The following PGM2 variants were observed in gnomAD, a reference collection of about 807,000 sequenced individuals.
PGM2 encodes the protein phosphopentomutase.
A neutral mutation model predicts 74.6 loss-of-function variants in PGM2; 57 were observed. That is an observed-to-expected ratio of 0.76 (90% confidence interval 0.62 to 0.95). PGM2 has a LOEUF of 0.95. Ranked by LOEUF, PGM2 falls within the 40% of genes least tolerant of loss-of-function variation. The pLI is 0.00. For missense variants in PGM2, 706 were observed against 741.9 expected (o/e 0.95, Z 0.56); for synonymous variants, 273 against 260.7 (o/e 1.05, Z -0.46).
rs1431346983 is a variant in PGM2, at chr4:37,839,953, A to T, written c.525+22A>T. ...TAAGGTATTTTCCTTTTTCTACTCC[A>T]CACGTACATCCTTCTGTAGGAATCC... On this transcript the variant is annotated intron_variant, in intron 5 of 13. Coordinates refer to ENST00000381967, the MANE Select transcript of PGM2 (RefSeq NM_018290.4). The T allele has an allele frequency of 6.0e-6, 9 of 1,507,170 alleles. No homozygotes were observed. In the Admixed American group the frequency reaches 1.0e-4, roughly 17 times the overall value. 93.4% of individuals were successfully genotyped at this position (1,507,170 alleles called of 1,614,324 possible).
intron 13 of PGM2, among the ~76,000 whole-genome samples, chr4:37,859,553 C>T (rs1711694760): frequency 6.6e-6 from 1 of 152,158 alleles, no homozygotes; most frequent in African/African-American, 2.4e-5. Context: ...AGCCCATCCA[C>T]ATTGTCTAGG....
At chr4:37,850,438 A>C (rs571105688) in intron 12 of PGM2, 65 bp downstream of exon 12, 2 of 969,106 alleles carry the variant, frequency 2.1e-6, no homozygotes, top group South Asian at 4.4e-5. Flanking sequence ...AATTTGAATA[A>C]ATTATTTAAC....
At chr4:37,861,448 G>C in intron 13 of PGM2, 62 bp from the exon 14 acceptor site, 2 of 1,029,522 alleles carry the variant, frequency 1.9e-6, no homozygotes, top group East Asian at 2.4e-5. Flanking sequence ...AATGGGGGGA[G>C]CATTTAAACT....
At chr4:37,858,198 CTTTTA>C (rs1484575941) in intron 13 of PGM2, among the ~76,000 whole-genome samples, 1 of 152,014 alleles carries the variant, frequency 6.6e-6, no homozygotes, top group Non-Finnish European at 1.5e-5. Context: ...AAAATTTGTC[CTTTTA>C]TTATATGCAT....
intron 6 of PGM2, among the ~76,000 whole-genome samples, chr4:37,844,019 A>T (rs1725799587): frequency 6.6e-6 from 1 of 152,078 alleles, no homozygotes; most frequent in Non-Finnish European, 1.5e-5. Flanking sequence ...GAGCCCTGGA[A>T]CTGTCCCGGG....
chr4:37,839,825 T>C lies in PGM2; in HGVS notation c.442-23T>C, dbSNP rs762103307. 115 of 1,409,098 alleles carry C rather than the reference T, an allele frequency of 8.2e-5. 1 individual carries two copies. The highest frequency in any genetic ancestry group is 8.0e-5 in the Non-Finnish European group (80 of 995,596). 87.3% of individuals were successfully genotyped at this position (1,409,098 alleles called of 1,614,324 possible). A position where few individuals can be genotyped will look rare whatever the true frequency, so the allele number is the denominator to read the frequency against. ...GTTATTTTCGTTAAAAACTGTTTGT[T>C]CTTGTTTCCTGCTATGTTACAGCCC... On this transcript the variant is annotated intron_variant, in intron 4 of 13. Transcript: ENST00000381967.
intron 1 of PGM2, among the ~76,000 whole-genome samples, chr4:37,827,207 C>T (rs1685918932): frequency 1.3e-5 from 2 of 152,330 alleles, no homozygotes; most frequent in South Asian, 4.1e-4. Context: ...GACCCAGAAT[C>T]GCTCCGTCCC....
chr4:37,847,264 A>G lies in PGM2; in HGVS notation c.1251A>G (p.Lys417=). 3 of 1,613,596 alleles carry G rather than the reference A, an allele frequency of 1.9e-6. No individual in the cohort carries two copies. The highest frequency in any genetic ancestry group is 2.5e-6 in the Non-Finnish European group (3 of 1,179,496). ...CCAAACAGCTAATAGACCAGGGGAA[A>G]ACTGTTTTATTTGCATTTGAAGAAG... ...NRAKQLIDQG[K]TVLFAFEEAI... The change falls in exon 10 of 14, where the codon AAA becomes AAG. Residue 417 remains lysine (K), a synonymous_variant. Coordinates refer to ENST00000381967, the MANE Select transcript of PGM2 (RefSeq NM_018290.4).
intron 2 of PGM2, among the ~76,000 whole-genome samples, chr4:37,833,515 C>A (rs367791132): frequency 6.6e-6 from 1 of 152,136 alleles, no homozygotes; most frequent in Non-Finnish European, 1.5e-5. Context: ...GAACCATGAT[C>A]GTGTCACTGC....
chr4:37,837,707 T>C, intron 4 of PGM2, 94 bp downstream of exon 4: 1 of 805,830 alleles, frequency 1.2e-6, no homozygotes, highest in Non-Finnish European at 2.2e-6. Context: ...GGGATTGGAC[T>C]GTTTGAATGA....
At chr4:37,842,198 A>G (rs1725748624) in intron 6 of PGM2, among the ~76,000 whole-genome samples, 1 of 146,202 alleles carries the variant, frequency 6.8e-6, no homozygotes. Flanking sequence ...ATATGCATAT[A>G]CTATATATAT....
At chr4:37,848,059 A>G (rs1284225922) in intron 10 of PGM2, among the ~76,000 whole-genome samples, 3 of 152,178 alleles carry the variant, frequency 2.0e-5, no homozygotes, top group African/African-American at 7.2e-5. Flanking sequence ...ATCAAGTATT[A>G]ATTGCATGTC....
At chr4:37,857,979 C>G (rs1257997929) in intron 13 of PGM2, among the ~76,000 whole-genome samples, 4 of 152,136 alleles carry the variant, frequency 2.6e-5, no homozygotes, top group Non-Finnish European at 5.9e-5. Flanking sequence ...TCCAACTAAA[C>G]AGTCCAACTT....
intron 2 of PGM2, 147 bp downstream of exon 2, chr4:37,830,278 G>C: frequency 1.8e-6 from 1 of 541,674 alleles, no homozygotes; most frequent in African/African-American, 1.9e-5. Context: ...ATAAAGTAAG[G>C]CTTGCACAAT....
chr4:37,840,980 A>ATG (rs1180548132), intron 6 of PGM2, among the ~76,000 whole-genome samples: 8 of 142,944 alleles, frequency 5.6e-5, no homozygotes, highest in African/African-American at 1.0e-4. Flanking sequence ...ATATATATAT[A>ATG]TATGTATGTT....
At chr4:37,844,241 G>A (rs543439352) in intron 6 of PGM2, 123 bp from the exon 7 acceptor site, 46 of 613,024 alleles carry the variant, frequency 7.5e-5, no homozygotes, top group African/African-American at 5.0e-4. Context: ...GAATGGATAC[G>A]TTTTGTTTTT....
intron 6 of PGM2, among the ~76,000 whole-genome samples, chr4:37,841,100 A>ATATATATATGTG (rs1202149456): frequency 1.6e-4 from 19 of 115,746 alleles, no homozygotes; most frequent in East Asian, 6.0e-4. Context: ...ATATATATAT[A>ATATATATATGTG]TGTGTGTGTG....
intron 1 of PGM2, 87 bp from the exon 2 acceptor site, chr4:37,829,877 C>T (rs1577671141): frequency 9.5e-6 from 5 of 524,784 alleles, no homozygotes; most frequent in African/African-American, 1.9e-5. Context: ...TATATATTTT[C>T]TATAGATTAG....
chr4:37,838,973 C>G (rs1725634760), intron 4 of PGM2, among the ~76,000 whole-genome samples: 2 of 152,132 alleles, frequency 1.3e-5, no homozygotes, highest in African/African-American at 4.8e-5. Flanking sequence ...ATGTCATTTG[C>G]CACAGTAGGG....
Sources: allele counts gnomAD v4.1 joint callset (sites outside exome capture counted in the v4.1 genomes callset), GRCh38; gene constraint gnomAD v4.1.1; transcripts MANE v1.5; gene names NCBI Gene and HGNC (gene_info 2026-07-23, HGNC 2026-07-21).